INSYN2B: variants seen among roughly 807,000 people sequenced by gnomAD.
INSYN2B encodes protein INSYN2B.
Under a neutral mutation model 41.2 loss-of-function variants are expected in INSYN2B, and 16 were observed. The ratio of observed to expected loss-of-function variants is 0.39; its 90% CI spans 0.26 to 0.59. The LOEUF (loss-of-function observed/expected upper bound fraction) is 0.59. Among genes scored for constraint, INSYN2B ranks in the 20% least tolerant of loss-of-function variants. The pLI is 0.57. For synonymous variants in INSYN2B, 245 were observed against 244.4 expected (o/e 1.00, Z -0.02); for missense variants, 608 against 646.4 (o/e 0.94, Z 0.64).
At chr5:169,868,221 A>G (rs890566682) in intron 3 of INSYN2B, among the ~76,000 whole-genome samples, 2 of 152,210 alleles carry the variant, frequency 1.3e-5, no homozygotes, top group African/African-American at 4.8e-5. Flanking sequence ...TACTGTCCCC[A>G]GTGTGTTTGA....
At chr5:169,956,485 A>T (rs1776871224) in intron 1 of INSYN2B, among the ~76,000 whole-genome samples, 1 of 152,258 alleles carries the variant, frequency 6.6e-6, no homozygotes, top group Admixed American at 6.5e-5. Flanking sequence ...GATTAGATTT[A>T]AGGAGGGACT....
chr5:169,961,699 C>A (rs775848876), intron 1 of INSYN2B, among the ~76,000 whole-genome samples: 3 of 151,956 alleles, frequency 2.0e-5, no homozygotes, highest in African/African-American at 7.2e-5. Context: ...GAAGCCAGGC[C>A]GGGTGCAGTG....
At chr5:169,938,905 C>CT (rs1776108836) in intron 1 of INSYN2B, among the ~76,000 whole-genome samples, 1 of 125,620 alleles carries the variant, frequency 8.0e-6, no homozygotes. Flanking sequence ...TCTTTTTTTT[C>CT]TTTTCTTTTT....
At chr5:169,918,683 C>T (rs551834583) in intron 1 of INSYN2B, among the ~76,000 whole-genome samples, 3 of 152,236 alleles carry the variant, frequency 2.0e-5, no homozygotes, top group East Asian at 1.9e-4. Context: ...GAGGCCGAGG[C>T]GAGAGGATCA....
chr5:169,946,023 A>G (rs1018711114), intron 1 of INSYN2B, among the ~76,000 whole-genome samples: 1 of 152,150 alleles, frequency 6.6e-6, no homozygotes, highest in African/African-American at 2.4e-5. Context: ...GCTTCCTTGC[A>G]TCCATTCACA....
chr5:169,892,876 C>T (rs1163940588), intron 1 of INSYN2B, among the ~76,000 whole-genome samples: 1 of 151,882 alleles, frequency 6.6e-6, no homozygotes, highest in Admixed American at 6.6e-5. Flanking sequence ...TATTGTGTTT[C>T]CCTCTGTCTT....
At chr5:169,870,647 C>T (rs576297322) in intron 3 of INSYN2B, among the ~76,000 whole-genome samples, 5 of 151,732 alleles carry the variant, frequency 3.3e-5, no homozygotes, top group South Asian at 4.2e-4. Flanking sequence ...TACATGTGCA[C>T]AATGTGCAGG....
chr5:169,929,741 C>CAAAA (rs1211612989), intron 1 of INSYN2B, among the ~76,000 whole-genome samples: 26 of 62,892 alleles, frequency 4.1e-4, no homozygotes, highest in African/African-American at 1.1e-3. Context: ...GACCCTGTCT[C>CAAAA]AAAAAAAAAA....
chr5:169,887,393 A>G (rs954791612), intron 1 of INSYN2B, among the ~76,000 whole-genome samples: 1 of 152,208 alleles, frequency 6.6e-6, no homozygotes, highest in African/African-American at 2.4e-5. Flanking sequence ...CTGAAATCTT[A>G]CCACCCAGAA....
At chr5:169,878,644 A>G (rs1348783429) in intron 3 of INSYN2B, among the ~76,000 whole-genome samples, 1 of 152,234 alleles carries the variant, frequency 6.6e-6, no homozygotes, top group Admixed American at 6.5e-5. Flanking sequence ...GGATTGAAAT[A>G]AATTTGAAAA....
intron 1 of INSYN2B, among the ~76,000 whole-genome samples, chr5:169,920,583 G>T (rs575661606): frequency 6.6e-6 from 1 of 152,178 alleles, no homozygotes; most frequent in Non-Finnish European, 1.5e-5. Context: ...TAACTGATGG[G>T]TTTGGAAAGA....
intron 1 of INSYN2B, among the ~76,000 whole-genome samples, chr5:169,904,119 G>A (rs1214468495): frequency 6.8e-6 from 1 of 148,064 alleles, no homozygotes; most frequent in African/African-American, 2.5e-5. Flanking sequence ...AAAAGTTTAG[G>A]GGAGGAGAAG....
chr5:169,896,430 G>A (rs981939078), intron 1 of INSYN2B, among the ~76,000 whole-genome samples: 6 of 152,244 alleles, frequency 3.9e-5, no homozygotes, highest in Admixed American at 3.9e-4. Flanking sequence ...ATCTTTGTTG[G>A]AGGGTAAATT....
At chr5:169,956,547 G>A (rs1231335052) in intron 1 of INSYN2B, among the ~76,000 whole-genome samples, 1 of 152,170 alleles carries the variant, frequency 6.6e-6, no homozygotes, top group African/African-American at 2.4e-5. Context: ...AGAGAGAAAG[G>A]TATCATCTAC....
At chr5:169,889,505 A>G (rs1464108085) in intron 1 of INSYN2B, among the ~76,000 whole-genome samples, 1 of 152,234 alleles carries the variant, frequency 6.6e-6, no homozygotes, top group African/African-American at 2.4e-5. Flanking sequence ...AACGTTGTAC[A>G]GGGTAGGGGA....
At chr5:169,944,258 G>A (rs1776360107) in intron 1 of INSYN2B, among the ~76,000 whole-genome samples, 1 of 152,176 alleles carries the variant, frequency 6.6e-6, no homozygotes, top group Admixed American at 6.5e-5. Context: ...TCTATTTCCT[G>A]TGACCTGCCC....
intron 1 of INSYN2B, among the ~76,000 whole-genome samples, chr5:169,906,287 A>G (rs989648542): frequency 6.6e-6 from 1 of 152,146 alleles, no homozygotes; most frequent in African/African-American, 2.4e-5. Flanking sequence ...GAGTATGATC[A>G]TAGTACTGAC....
intron 1 of INSYN2B, among the ~76,000 whole-genome samples, chr5:169,979,452 A>G (rs896901919): frequency 6.6e-6 from 1 of 152,212 alleles, no homozygotes; most frequent in Non-Finnish European, 1.5e-5. Flanking sequence ...TTATTCCATG[A>G]TTCTATCGCT....
intron 1 of INSYN2B, among the ~76,000 whole-genome samples, chr5:169,920,670 G>A (rs1581418558): frequency 6.6e-6 from 1 of 152,326 alleles, no homozygotes; most frequent in East Asian, 1.9e-4. Context: ...GGCAGGTGAT[G>A]GACAGTGTAG....
Sources: allele counts gnomAD v4.1 joint callset (sites outside exome capture counted in the v4.1 genomes callset), GRCh38; gene constraint gnomAD v4.1.1; transcripts MANE v1.5; gene names NCBI Gene and HGNC (gene_info 2026-07-23, HGNC 2026-07-21).